The following ARHGAP18 variants were observed in gnomAD, a reference collection of about 807,000 sequenced individuals.
The protein encoded by ARHGAP18 is Rho GTPase activating protein 18, also known as rho GTPase-activating protein 18.
ARHGAP18 carries 67 observed loss-of-function variants against 86.2 expected under a neutral mutation model. The observed-to-expected ratio is 0.78, with a 90% CI of 0.64 to 0.95. The LOEUF (loss-of-function observed/expected upper bound fraction) is 0.95, where lower values mean the gene tolerates loss of function less well. ARHGAP18 is among the 40% of genes least tolerant of loss of function. ARHGAP18 has a pLI of 0.00. For synonymous variants in ARHGAP18, 283 were observed against 280.4 expected (o/e 1.01, Z -0.09); for missense variants, 691 against 780.4 (o/e 0.89, Z 1.37).
intron 12 of ARHGAP18, among the ~76,000 whole-genome samples, chr6:129,598,232 A>C (rs1422722116): frequency 6.6e-6 from 1 of 152,188 alleles, no homozygotes; most frequent in Non-Finnish European, 1.5e-5. Flanking sequence ...CATATTTACA[A>C]CTTCTCTTTA....
chr6:129,579,172 G>A (rs1343950627), intron 14 of ARHGAP18, among the ~76,000 whole-genome samples: 2 of 152,030 alleles, frequency 1.3e-5, no homozygotes, highest in African/African-American at 4.8e-5. Context: ...CTTATTAGGA[G>A]GGGCAATGGT....
At chr6:129,655,337 A>AAAAAGAAAAGAAAAG (rs1285546740) in intron 1 of ARHGAP18, among the ~76,000 whole-genome samples, 1 of 98,700 alleles carries the variant, frequency 1.0e-5, no homozygotes, top group Non-Finnish European at 2.0e-5. Flanking sequence ...AAAAAAAAAA[A>AAAAAGAAAAGAAAAG]AAAAGAAAAG....
At chr6:129,675,268 T>C (rs1023324454) in intron 1 of ARHGAP18, among the ~76,000 whole-genome samples, 8 of 150,986 alleles carry the variant, frequency 5.3e-5, no homozygotes, top group East Asian at 1.9e-4. Flanking sequence ...AATTAAGAGG[T>C]TGAGTGGCGG....
intron 13 of ARHGAP18, among the ~76,000 whole-genome samples, chr6:129,582,022 A>T (rs1167937543): frequency 1.3e-5 from 2 of 152,118 alleles, no homozygotes; most frequent in Non-Finnish European, 2.9e-5. Context: ...AAACAGAAAT[A>T]GTTAGCTTTG....
chr6:129,625,122 T>C (rs1284870739), intron 5 of ARHGAP18, among the ~76,000 whole-genome samples: 1 of 27,120 alleles, frequency 3.7e-5, no homozygotes, highest in Admixed American at 7.9e-4. Context: ...TATATAGATA[T>C]ATATTATATA....
chr6:129,705,068 C>A (rs1483219817), intron 1 of ARHGAP18, among the ~76,000 whole-genome samples: 1 of 152,178 alleles, frequency 6.6e-6, no homozygotes, highest in Non-Finnish European at 1.5e-5. Context: ...TCACCTGTCA[C>A]CTGCTCAGGT....
In ARHGAP18 at chr6:129,609,765, C is replaced by T. The variant is rs147598469; in HGVS notation, c.1123-1713G>A. The stretch of plus-strand genomic sequence containing the variant: ...AGTACCAGACACCAAACCCAGGGGA[C>T]ACAAGTGGAAAATTATGATCAGAAT... On this transcript the variant is annotated intron_variant, in intron 8 of 14. Coordinates refer to ENST00000368149, the MANE Select transcript of ARHGAP18 (RefSeq NM_033515.3). Among the ~76,000 whole-genome samples the T allele has an allele frequency of 3.8e-3, 585 of 152,040 alleles. 9 individuals carry two copies. The highest frequency in any genetic ancestry group is 0.013 in the African/African-American group (539 of 41,406).
chr6:129,587,013 G>T (rs1788407710), intron 12 of ARHGAP18, among the ~76,000 whole-genome samples: 1 of 152,054 alleles, frequency 6.6e-6, no homozygotes, highest in African/African-American at 2.4e-5. Context: ...CTGTATTCTG[G>T]TTGTATGCCA....
chr6:129,598,183 G>C (rs1483891271), intron 12 of ARHGAP18, among the ~76,000 whole-genome samples: 1 of 151,864 alleles, frequency 6.6e-6, no homozygotes, highest in Non-Finnish European at 1.5e-5. Flanking sequence ...CTTTCTAAAA[G>C]CCTTTAGGAT....
intron 7 of ARHGAP18, among the ~76,000 whole-genome samples, chr6:129,615,715 C>A (rs1208648824): frequency 6.6e-6 from 1 of 152,094 alleles, no homozygotes; most frequent in Non-Finnish European, 1.5e-5. Context: ...ACAGATAATC[C>A]CCTTATGAAT....
At chr6:129,615,921 C>G (rs562133362) in intron 7 of ARHGAP18, among the ~76,000 whole-genome samples, 3 of 152,160 alleles carry the variant, frequency 2.0e-5, no homozygotes, top group Non-Finnish European at 4.4e-5. Context: ...AATTTATAAG[C>G]AGTTCCCACT....
At chr6:129,619,607 G>T (rs1789183628) in intron 5 of ARHGAP18, among the ~76,000 whole-genome samples, 2 of 116,196 alleles carry the variant, frequency 1.7e-5, no homozygotes, top group Non-Finnish European at 3.6e-5. Context: ...AGGGGAGAGG[G>T]AAAATGAAGG....
chr6:129,645,594 A>G (rs1184888737), intron 1 of ARHGAP18, among the ~76,000 whole-genome samples: 3 of 152,170 alleles, frequency 2.0e-5, no homozygotes, highest in Non-Finnish European at 2.9e-5. Flanking sequence ...TAATCGTGCC[A>G]TGGATATGCT....
In ARHGAP18 at chr6:129,625,073, A is replaced by T. The variant is rs369566237; in HGVS notation, c.786+4280T>A. ...ATATGATTGATATATATTTATATAT[A>T]ATATATATGATATATGATATATGAT... is the stretch of plus-strand genomic sequence containing the variant. On this transcript the variant is annotated intron_variant, in intron 5 of 14. Coordinates refer to ENST00000368149, the MANE Select transcript of ARHGAP18 (RefSeq NM_033515.3). Among the ~76,000 whole-genome samples the T allele has an allele frequency of 8.9e-4, 70 of 78,282 alleles. 1 individual carries two copies. Among genetic ancestry groups the T allele is most frequent in the African/African-American group, 2.8e-3 (66 of 23,356 alleles). The allele number at this position is 78,282 out of a possible 152,430, so 51.4% of individuals were successfully genotyped here.
intron 12 of ARHGAP18, 80 bp downstream of exon 12, chr6:129,599,136 T>C (rs974514044): frequency 3.3e-6 from 4 of 1,216,538 alleles, no homozygotes; most frequent in African/African-American, 1.6e-5. Context: ...AGTCATACTA[T>C]GAAAACATTA....
At chr6:129,691,304 C>T (rs1270024599) in intron 1 of ARHGAP18, among the ~76,000 whole-genome samples, 1 of 152,162 alleles carries the variant, frequency 6.6e-6, no homozygotes, top group Non-Finnish European at 1.5e-5. Context: ...GCCTAGAGAA[C>T]TCCACTTACA....
intron 5 of ARHGAP18, among the ~76,000 whole-genome samples, chr6:129,625,676 T>C (rs1426410861): frequency 8.1e-5 from 1 of 12,274 alleles, no homozygotes; most frequent in Non-Finnish European, 1.4e-4. Flanking sequence ...TATATTATAT[T>C]ATATATATTT....
rs1224848756 is a variant in ARHGAP18, at chr6:129,577,466, C to A, written c.*1047G>T. On this transcript the variant is annotated 3_prime_UTR_variant, in exon 15 of 15. Transcript: ENST00000368149. The stretch of plus-strand genomic sequence containing the variant: ...ACAATATGGTTTGTGCATTAAAATC[C>A]CTGGGAATAGTACTTTCAAGAACAT... 6.6e-6 allele frequency: 1 copy of A among 151,794 alleles called. No homozygotes were observed. The highest frequency in any genetic ancestry group is 1.5e-5 in the Non-Finnish European group (1 of 67,928). The allele number at this position is 151,794 out of a possible 1,614,324, so 9.4% of individuals were successfully genotyped here.
intron 1 of ARHGAP18, among the ~76,000 whole-genome samples, chr6:129,660,083 G>C (rs916514678): frequency 6.6e-6 from 1 of 152,216 alleles, no homozygotes; most frequent in African/African-American, 2.4e-5. Flanking sequence ...CCAGATAGGG[G>C]GTTGGGGTTG....
Sources: allele counts gnomAD v4.1 joint callset (sites outside exome capture counted in the v4.1 genomes callset), GRCh38; gene constraint gnomAD v4.1.1; transcripts MANE v1.5; gene names NCBI Gene and HGNC (gene_info 2026-07-23, HGNC 2026-07-21).